The following CFAP70 variants were observed in gnomAD, a reference collection of about 807,000 sequenced individuals.
The protein encoded by CFAP70 is cilia and flagella associated protein 70.
Under a neutral mutation model 137.6 loss-of-function variants are expected in CFAP70, and 81 were observed. That is an observed-to-expected ratio of 0.59 (90% CI 0.49 to 0.71). The LOEUF (loss-of-function observed/expected upper bound fraction) is 0.71. Among genes scored for constraint, CFAP70 ranks in the 30% least tolerant of loss-of-function variants. The pLI is 0.00. For missense variants in CFAP70, 976 were observed against 1,226.7 expected (o/e 0.80, Z 3.05); for synonymous variants, 382 against 423.6 (o/e 0.90, Z 1.20).
At chr10:73,360,216 GGA>G (rs2054953888), upstream of CFAP70, among the ~76,000 whole-genome samples, 3 of 152,178 alleles carry the variant, frequency 2.0e-5, no homozygotes, top group South Asian at 6.2e-4. Context: ...TTGTTAGGTA[GGA>G]GAGTGTCCCT....
exon 8 of CFAP70, chr10:73,331,215 C>A: frequency 1.2e-6 from 2 of 1,613,390 alleles, no homozygotes; most frequent in East Asian, 4.5e-5. Flanking sequence ...GGTATAGTGA[C>A]CAGAGGAACT....
chr10:73,314,090 T>A (rs1207503831), intron 9 of CFAP70, among the ~76,000 whole-genome samples: 2 of 152,136 alleles, frequency 1.3e-5, no homozygotes, highest in Non-Finnish European at 2.9e-5. Flanking sequence ...AGAACATGGA[T>A]GATTCTCAAA....
chr10:73,295,227 G>A (rs1207412476), intron 15 of CFAP70: 2 of 152,572 alleles, frequency 1.3e-5, no homozygotes, highest in Non-Finnish European at 2.9e-5. Flanking sequence ...GAGGTGGCAG[G>A]ATTGCTTGAG....
intron 11 of CFAP70, among the ~76,000 whole-genome samples, chr10:73,310,885 C>T (rs183825432): frequency 6.6e-6 from 1 of 152,300 alleles, no homozygotes; most frequent in East Asian, 1.9e-4. Flanking sequence ...AGGTTTCTGA[C>T]TTTCTTTACT....
intron 4 of CFAP70, 80 bp downstream of exon 5, chr10:73,348,076 A>G: frequency 1.5e-6 from 2 of 1,293,914 alleles, no homozygotes; most frequent in Non-Finnish European, 2.2e-6. Context: ...ATTACACTCA[A>G]CTGAATTGAA....
chr10:73,349,187 C>T lies in CFAP70; in HGVS notation c.251-666G>A, dbSNP rs150014620. 1.4e-4 allele frequency among the ~76,000 whole-genome samples: 22 copies of T among 152,104 alleles called. No individual in the cohort carries two copies. The East Asian group carries it at 4.2e-3, about 29-fold the overall frequency. ...ATTTCATACAGAAGAACTTACTGGT[C>T]ATAATGCCCATCAATTGATCTTAAG... is the stretch of plus-strand genomic sequence containing the variant. On this transcript the variant is annotated intron_variant, in intron 3 of 26. Coordinates refer to ENST00000310715, the Ensembl canonical transcript of CFAP70.
chr10:73,307,135 T>G (rs754298013), intron 12 of CFAP70, among the ~76,000 whole-genome samples: 3 of 152,192 alleles, frequency 2.0e-5, no homozygotes, highest in Non-Finnish European at 4.4e-5. Flanking sequence ...AAGTTTGTAT[T>G]CAAACTAAGC....
chr10:73,325,321 G>C (rs534295959), intron 8 of CFAP70, among the ~76,000 whole-genome samples: 1 of 152,086 alleles, frequency 6.6e-6, no homozygotes, highest in Non-Finnish European at 1.5e-5. Flanking sequence ...TGCCCTAAAA[G>C]AGCTCCTGAA....
At chr10:73,310,665 A>C in intron 11 of CFAP70, among the ~76,000 whole-genome samples, 1 of 152,290 alleles carries the variant, frequency 6.6e-6, no homozygotes, top group Non-Finnish European at 1.5e-5. Flanking sequence ...TACCAACTCC[A>C]AGTGCTGGAC....
At chr10:73,332,581 G>C (rs1253235256) in intron 7 of CFAP70, among the ~76,000 whole-genome samples, 2 of 152,164 alleles carry the variant, frequency 1.3e-5, no homozygotes, top group Admixed American at 1.3e-4. Flanking sequence ...ACAGGTTATA[G>C]AATACTTCTC....
In CFAP70 at chr10:73,256,362, G is replaced by A; in HGVS notation, c.3075+7C>T. 1 of 1,614,070 alleles carries A rather than the reference G, an allele frequency of 6.2e-7. No individual in the cohort carries two copies. The highest frequency in any genetic ancestry group is 8.5e-7 in the Non-Finnish European group (1 of 1,179,978). On this transcript the variant is annotated splice_region_variant and intron_variant, in intron 26 of 26. Coordinates refer to ENST00000310715, the Ensembl canonical transcript of CFAP70. ...GCAGGCAAATGACAGAGGCATCTGT[G>A]TCATACCTTGATCATGTACTTGTAG...
intron 2 of CFAP70, 40 bp from the exon 3 acceptor site, chr10:73,353,782 T>C (rs777219176): frequency 6.3e-7 from 1 of 1,587,160 alleles, no homozygotes; most frequent in South Asian, 1.1e-5. Context: ...TATATTCAAA[T>C]AGAGAATTTT....
chr10:73,292,189 T>C (rs1257339042), intron 16 of CFAP70, among the ~76,000 whole-genome samples, 175 bp from the exon 18 acceptor site: 1 of 152,218 alleles, frequency 6.6e-6, no homozygotes. Flanking sequence ...TGGCCTTTAG[T>C]AGGTGGTTGA....
At chr10:73,330,142 G>T (rs1340273583) in intron 8 of CFAP70, among the ~76,000 whole-genome samples, 3 of 151,956 alleles carry the variant, frequency 2.0e-5, no homozygotes, top group African/African-American at 7.3e-5. Context: ...AATAATAATT[G>T]GCAACTAGAC....
upstream of CFAP70, among the ~76,000 whole-genome samples, chr10:73,359,835 A>G (rs985769023): frequency 1.3e-5 from 2 of 152,140 alleles, no homozygotes; most frequent in African/African-American, 2.4e-5. Context: ...TCAGGTGATC[A>G]TGGTTAACAT....
chr10:73,262,271 C>G (rs1229652656), intron 25 of CFAP70, among the ~76,000 whole-genome samples: 1 of 151,792 alleles, frequency 6.6e-6, no homozygotes, highest in Middle Eastern at 3.2e-3. Context: ...AATCTTGTGC[C>G]ATCCCTCCCA....
intron 15 of CFAP70, 115 bp downstream of exon 16, chr10:73,296,927 G>A: frequency 7.8e-7 from 1 of 1,286,950 alleles, no homozygotes; most frequent in Admixed American, 2.2e-5. Context: ...TCAGTGCCTA[G>A]CACAGAGCAG....
chr10:73,284,104 T>G (rs1271142580), intron 19 of CFAP70, among the ~76,000 whole-genome samples: 1 of 152,176 alleles, frequency 6.6e-6, no homozygotes, highest in Non-Finnish European at 1.5e-5. Flanking sequence ...TGGATTAAGG[T>G]CAAGATTTGA....
exon 3 of CFAP70, chr10:73,353,735 A>C: frequency 1.2e-6 from 2 of 1,613,892 alleles, no homozygotes; most frequent in Non-Finnish European, 1.7e-6. Context: ...ATCTCCTTTA[A>C]AACCTTTCTG....
Sources: gnomAD v4.1 joint callset for allele counts (sites outside exome capture counted in the v4.1 genomes callset) on GRCh38, gnomAD v4.1.1 for gene constraint, MANE v1.5 for transcripts, NCBI Gene and HGNC (gene_info 2026-07-23, HGNC 2026-07-21) for gene names.